The following PAIP2 variants were observed in gnomAD, a reference collection of about 807,000 sequenced individuals.
The protein encoded by PAIP2 is poly(A) binding protein interacting protein 2.
Under a neutral mutation model 14.8 loss-of-function variants are expected in PAIP2, and 7 were observed. The observed-to-expected ratio is 0.47, with a 90% CI of 0.27 to 0.89. PAIP2 has a LOEUF of 0.89. PAIP2 is among the 40% of genes least tolerant of loss of function. The pLI, the probability that PAIP2 is intolerant of heterozygous loss-of-function variation, is 0.13. For missense variants in PAIP2, 122 were observed against 154.7 expected, an observed-to-expected ratio of 0.79 and a Z score of 1.12; for synonymous variants, 47 against 45.3, an observed-to-expected ratio of 1.04 and a Z score of -0.15.
chr5:139,360,546 G>A (rs1261339271), intron 1 of PAIP2, among the ~76,000 whole-genome samples: 1 of 152,042 alleles, frequency 6.6e-6, no homozygotes, highest in African/African-American at 2.4e-5. Flanking sequence ...AGGCTGGAGT[G>A]CAGTGGCACT....
At chr5:139,345,626 A>AT (rs34133705) in intron 1 of PAIP2, among the ~76,000 whole-genome samples, 3,477 of 138,954 alleles carry the variant, frequency 0.025, 39 homozygotes, top group Middle Eastern at 0.032. Context: ...CTATGCTTGA[A>AT]TTTTTTTTTT....
intron 3 of PAIP2, among the ~76,000 whole-genome samples, chr5:139,366,302 C>T (rs923832924): frequency 1.3e-5 from 2 of 151,120 alleles, no homozygotes; most frequent in African/African-American, 4.9e-5. Flanking sequence ...CTAATCTGTA[C>T]ACCATGATTA....
At chr5:139,357,322 C>A (rs1344236898) in intron 1 of PAIP2, among the ~76,000 whole-genome samples, 1 of 152,200 alleles carries the variant, frequency 6.6e-6, no homozygotes, top group Non-Finnish European at 1.5e-5. Context: ...TATGTGGGAG[C>A]TTTTCAAAGC....
intron 1 of PAIP2, among the ~76,000 whole-genome samples, chr5:139,346,775 C>G (rs912515437): frequency 2.6e-5 from 4 of 152,086 alleles, no homozygotes; most frequent in East Asian, 3.9e-4. Flanking sequence ...TGATCCACCC[C>G]CTTTGGCCTC....
At chr5:139,347,022 C>T (rs1106329) in intron 1 of PAIP2, among the ~76,000 whole-genome samples, 77,650 of 151,884 alleles carry the variant, frequency 0.51, 24,176 homozygotes, top group Non-Finnish European at 0.7. Context: ...TGGCCAGGGC[C>T]GGTCTCAAAC....
intron 1 of PAIP2, among the ~76,000 whole-genome samples, chr5:139,357,078 A>G (rs1756938673): frequency 6.6e-6 from 1 of 152,132 alleles, no homozygotes; most frequent in Non-Finnish European, 1.5e-5. Flanking sequence ...CTTAGTGGTC[A>G]GCTAGTGATT....
At chr5:139,347,132 A>G (rs1381366764) in intron 1 of PAIP2, among the ~76,000 whole-genome samples, 1 of 152,190 alleles carries the variant, frequency 6.6e-6, no homozygotes, top group African/African-American at 2.4e-5. Context: ...TTAAAAGGAA[A>G]GAAAATTGAT....
At chr5:139,346,802 G>C (rs1047652590) in intron 1 of PAIP2, among the ~76,000 whole-genome samples, 1 of 151,652 alleles carries the variant, frequency 6.6e-6, no homozygotes, top group African/African-American at 2.4e-5. Context: ...TGCTGGGCGT[G>C]AGCTGCTGCG....
At chr5:139,350,192 A>T (rs953762011) in intron 1 of PAIP2, among the ~76,000 whole-genome samples, 2 of 151,864 alleles carry the variant, frequency 1.3e-5, no homozygotes, top group South Asian at 2.1e-4. Context: ...AAAAAAAAAA[A>T]GTTAATTCCT....
At chr5:139,364,522 T>C (rs774720307) in intron 2 of PAIP2, 42 bp from the exon 3 acceptor site, 40 of 1,198,648 alleles carry the variant, frequency 3.3e-5, no homozygotes, top group Non-Finnish European at 4.7e-5. Context: ...CCTAGTGATA[T>C]CTACCAAGTG....
At chr5:139,342,520 C>G (rs956451976) in intron 1 of PAIP2, 1 of 152,184 alleles carries the variant, frequency 6.6e-6, no homozygotes, top group Non-Finnish European at 1.5e-5. Context: ...GTCGACGGGC[C>G]TGATCAGAAG....
intron 1 of PAIP2, among the ~76,000 whole-genome samples, chr5:139,351,487 C>T (rs1195653240): frequency 6.6e-6 from 1 of 152,002 alleles, no homozygotes; most frequent in African/African-American, 2.4e-5. Flanking sequence ...TAATATAATT[C>T]TGTTAAAATA....
Position 139,369,591 on chromosome 5 carries a change from A to G in PAIP2, c.*793A>G, listed in dbSNP as rs1757526024. 1 of 152,766 alleles carries G rather than the reference A, an allele frequency of 6.5e-6. No individual in the cohort carries two copies. The allele number at this position is 152,766 out of a possible 1,614,324, so 9.5% of individuals were successfully genotyped here. Reference sequence around the variant, plus strand: ...AAAGCTAGAACAGTTTTGGCTTCTTAAACTTCATATTTGGGTAGGTTAAGC... The same window carrying G: ...AAAGCTAGAACAGTTTTGGCTTCTTGAACTTCATATTTGGGTAGGTTAAGC... On this transcript the variant is annotated 3_prime_UTR_variant, in exon 4 of 4. Transcript: ENST00000265192.
intron 1 of PAIP2, among the ~76,000 whole-genome samples, chr5:139,354,656 G>T: frequency 6.6e-6 from 1 of 152,020 alleles, no homozygotes; most frequent in East Asian, 1.9e-4. Context: ...CACAGTTGAT[G>T]TCTCCTGGGT....
At chr5:139,365,037 G>A (rs530127034) in intron 3 of PAIP2, 84 of 172,276 alleles carry the variant, frequency 4.9e-4, no homozygotes, top group African/African-American at 1.8e-3. Context: ...CCAGCTACTC[G>A]GGAGGCTGAG....
At chr5:139,349,283 C>T (rs548012335) in intron 1 of PAIP2, among the ~76,000 whole-genome samples, 3 of 152,274 alleles carry the variant, frequency 2.0e-5, no homozygotes, top group Non-Finnish European at 2.9e-5. Context: ...GAGTCTCGCT[C>T]TGTCGCCCAG....
intron 1 of PAIP2, among the ~76,000 whole-genome samples, 199 bp from the exon 2 acceptor site, chr5:139,363,560 T>TA (rs1561963897): frequency 6.6e-6 from 1 of 151,174 alleles, no homozygotes; most frequent in East Asian, 2.0e-4. Flanking sequence ...CTACAAAAAA[T>TA]AAAAAAAATT....
chr5:139,352,513 T>TTTG (rs1756775922), intron 1 of PAIP2, among the ~76,000 whole-genome samples: 1 of 148,900 alleles, frequency 6.7e-6, no homozygotes, highest in Non-Finnish European at 1.5e-5. Context: ...TTTTTTTTTT[T>TTTG]TGAGATGGAG....
intron 1 of PAIP2, chr5:139,343,260 TCACA>T (rs375020255): frequency 6.6e-6 from 1 of 152,172 alleles, no homozygotes; most frequent in Non-Finnish European, 1.5e-5. Flanking sequence ...TAAAACTTTT[TCACA>T]CACACACAAA....
Sources: allele counts gnomAD v4.1 joint callset (sites outside exome capture counted in the v4.1 genomes callset), GRCh38; gene constraint gnomAD v4.1.1; transcripts MANE v1.5; gene names NCBI Gene and HGNC (gene_info 2026-07-23, HGNC 2026-07-21).